MYCT1: variants seen among roughly 807,000 people sequenced by gnomAD.
MYCT1 encodes the protein MYC target 1.
Under a neutral mutation model 15.0 loss-of-function variants are expected in MYCT1, and 12 were observed. The observed-to-expected ratio is 0.80, with a 90% confidence interval of 0.51 to 1.29. The LOEUF is 1.29. Among genes scored for constraint, MYCT1 ranks in the 50% most tolerant of loss-of-function variants. MYCT1 has a pLI of 0.00. For synonymous variants in MYCT1, 104 were observed against 102.7 expected (o/e 1.01, Z -0.07); for missense variants, 287 against 279.1 (o/e 1.03, Z -0.20).
chr6:152,742,562 T>C, the MYCT1 span, among the ~76,000 whole-genome samples: 9 of 152,234 alleles, frequency 5.9e-5, no homozygotes, highest in South Asian at 1.0e-3. Context: ...AAAGACATTT[T>C]GGGGGAAGAT....
rs182509650 is a variant in MYCT1, at chr6:152,717,170, A to G, written c.197-4572A>G. Among the ~76,000 whole-genome samples the G allele has an allele frequency of 1.7e-3, 238 of 141,618 alleles. 1 individual carries two copies. The highest frequency in any genetic ancestry group is 5.6e-3 in the African/African-American group (231 of 40,974). 92.9% of individuals were successfully genotyped at this position (141,618 alleles called of 152,430 possible). On this transcript the variant is annotated intron_variant, in intron 1 of 1. Transcript: ENST00000367245. ...GTCAGAAAAATCATCAACTATAATT[A>G]AATGAAAAAAAAATGTGTATGAAAA...
the MYCT1 span, among the ~76,000 whole-genome samples, chr6:152,736,657 A>T: frequency 6.6e-6 from 1 of 152,168 alleles, no homozygotes; most frequent in Admixed American, 6.5e-5. Flanking sequence ...GGTTGAGAGA[A>T]AAGAATAGGC....
At chr6:152,742,767 A>ATG in the MYCT1 span, among the ~76,000 whole-genome samples, 1 of 152,156 alleles carries the variant, frequency 6.6e-6, no homozygotes, top group Admixed American at 6.6e-5. Flanking sequence ...GTATGATTGT[A>ATG]TATGTGTAAG....
Position 152,722,787 on chromosome 6 carries a change from G to T in MYCT1, c.*534G>T, listed in dbSNP as rs1240067957. ...GGGTCTTGATCCGTCGCCCAGGCGG[G>T]AGTTGCAGTAGCATGATCAGGACTC... On this transcript the variant is annotated 3_prime_UTR_variant, in exon 2 of 2. Coordinates refer to ENST00000367245, the MANE Select transcript of MYCT1 (RefSeq NM_025107.3). The T allele has an allele frequency of 4.9e-6, 2 of 410,314 alleles. No homozygotes were observed. The highest frequency in any genetic ancestry group is 2.8e-5 in the Admixed American group (1 of 35,574). The allele number at this position is 410,314 out of a possible 1,614,324, so 25.4% of individuals were successfully genotyped here.
intron 1 of MYCT1, among the ~76,000 whole-genome samples, chr6:152,713,956 G>A (rs2099723178): frequency 6.6e-6 from 1 of 152,042 alleles, no homozygotes; most frequent in African/African-American, 2.4e-5. Flanking sequence ...CTCCTCTCCA[G>A]TAGCTACAAG....
At chr6:152,714,101 A>G (rs948795592) in intron 1 of MYCT1, among the ~76,000 whole-genome samples, 7 of 151,930 alleles carry the variant, frequency 4.6e-5, no homozygotes, top group African/African-American at 1.7e-4. Context: ...TATTGCCTGT[A>G]TCTGTTCTAA....
rs570378014 is a variant in MYCT1 at position 152,721,545 on chromosome 6, T to A, written c.197-197T>A. Among the ~76,000 whole-genome samples, 145 of 152,294 alleles carry A rather than the reference T, an allele frequency of 9.5e-4. 1 individual carries two copies. The highest frequency in any genetic ancestry group is 1.1e-3 in the Non-Finnish European group (73 of 68,026). ...CCGCAGCTGAAAGTGTTATTTTGTA[T>A]CTTTCTGCTTGAATAAATGGAAGCA... On this transcript the variant is annotated intron_variant, in intron 1 of 1. Transcript: ENST00000367245.
At chr6:152,745,450 C>CA in the MYCT1 span, among the ~76,000 whole-genome samples, 9 of 152,230 alleles carry the variant, frequency 5.9e-5, no homozygotes, top group African/African-American at 1.9e-4. Context: ...GTTACAGAGA[C>CA]AGACTCCAAG....
At chr6:152,735,280 A>G in the MYCT1 span, among the ~76,000 whole-genome samples, 1 of 152,174 alleles carries the variant, frequency 6.6e-6, no homozygotes, top group Non-Finnish European at 1.5e-5. Flanking sequence ...AATATTATAA[A>G]TAGATAAACT....
At chr6:152,742,652 T>C in the MYCT1 span, among the ~76,000 whole-genome samples, 2 of 152,174 alleles carry the variant, frequency 1.3e-5, no homozygotes, top group Non-Finnish European at 2.9e-5. Flanking sequence ...CTATAGAAGT[T>C]GCACAGGAGA....
intron 1 of MYCT1, among the ~76,000 whole-genome samples, chr6:152,701,913 T>G (rs1017227877): frequency 6.6e-6 from 1 of 152,130 alleles, no homozygotes; most frequent in Admixed American, 6.6e-5. Flanking sequence ...CCTTAGGAGG[T>G]TGGGCTACAT....
At chr6:152,705,360 G>A (rs1269291539) in intron 1 of MYCT1, among the ~76,000 whole-genome samples, 1 of 152,092 alleles carries the variant, frequency 6.6e-6, no homozygotes, top group Non-Finnish European at 1.5e-5. Flanking sequence ...TGGTCATATG[G>A]GTACTGGAAG....
At chr6:152,698,643 AG>A (rs1246067217) in intron 1 of MYCT1, among the ~76,000 whole-genome samples, 4 of 152,348 alleles carry the variant, frequency 2.6e-5, no homozygotes, top group African/African-American at 9.6e-5. Context: ...GCAATAACAC[AG>A]GTAAAATAAA....
chr6:152,742,265 G>GA, the MYCT1 span, among the ~76,000 whole-genome samples: 28 of 152,186 alleles, frequency 1.8e-4, no homozygotes, highest in African/African-American at 4.8e-4. Context: ...AGTCTTTCTG[G>GA]AAAAAAATGT....
the MYCT1 span, among the ~76,000 whole-genome samples, chr6:152,742,194 G>A: frequency 6.6e-6 from 1 of 152,122 alleles, no homozygotes; most frequent in Non-Finnish European, 1.5e-5. Context: ...GGGAAATACG[G>A]GGTTAAACAA....
rs1158561675 is a variant in MYCT1 at position 152,697,993 on chromosome 6, A to T, written c.91A>T (p.Ile31Leu). 1 of 1,608,614 alleles carries T rather than the reference A, an allele frequency of 6.2e-7. No homozygotes were observed. ...RDRIKLLFFD[I>L]LVFLSVFLLF... Reference sequence around the variant, plus strand: ...TAGAATCAAACTGCTTTTTTTCGACATACTGGTTTTTCTTTCTGTTTTTCT... The same window carrying T: ...TAGAATCAAACTGCTTTTTTTCGACTTACTGGTTTTTCTTTCTGTTTTTCT... The change falls in exon 1 of 2, where the codon ATA (isoleucine) becomes TTA (leucine). Residue 31 changes from isoleucine to leucine, a missense_variant. Physicochemically the swap from Ile to Leu is conservative, Grantham distance 5. Coordinates refer to ENST00000367245, the MANE Select transcript of MYCT1 (RefSeq NM_025107.3).
At chr6:152,744,870 C>T in the MYCT1 span, among the ~76,000 whole-genome samples, 1 of 152,144 alleles carries the variant, frequency 6.6e-6, no homozygotes, top group African/African-American at 2.4e-5. Flanking sequence ...CGTCAGATCT[C>T]TCCCAAGAGT....
At chr6:152,729,409 T>C (rs1187931549), downstream of MYCT1, among the ~76,000 whole-genome samples, 1 of 152,252 alleles carries the variant, frequency 6.6e-6, no homozygotes, top group South Asian at 2.1e-4. Flanking sequence ...GGAATACATA[T>C]ACAGTGTCAC....
At chr6:152,727,437 A>C (rs999667452), downstream of MYCT1, among the ~76,000 whole-genome samples, 4 of 152,198 alleles carry the variant, frequency 2.6e-5, no homozygotes, top group African/African-American at 9.7e-5. Flanking sequence ...TTGTTGTGGT[A>C]AAATTCTGAT....
Sources: gnomAD v4.1 joint callset for allele counts (sites outside exome capture counted in the v4.1 genomes callset) on GRCh38, gnomAD v4.1.1 for gene constraint, MANE v1.5 for transcripts, NCBI Gene and HGNC (gene_info 2026-07-23, HGNC 2026-07-21) for gene names.